Variants in SLC7A8 observed in about 807,000 individuals in gnomAD.
SLC7A8 encodes large neutral amino acids transporter small subunit 2.
A neutral mutation model predicts 51.2 loss-of-function variants in SLC7A8; 30 were observed. The ratio of observed to expected loss-of-function variants is 0.59; its 90% confidence interval spans 0.44 to 0.80. The LOEUF is 0.80. SLC7A8 is among the 30% of genes least tolerant of loss of function. The probability of loss-of-function intolerance (pLI) is 0.00; values close to 1 mark genes in which losing one functional copy is unlikely to be tolerated. For synonymous variants in SLC7A8, 257 were observed against 275.8 expected, an observed-to-expected ratio of 0.93 and a Z score of 0.67; for missense variants, 612 against 674.4, an observed-to-expected ratio of 0.91 and a Z score of 1.03.
chr14:23,161,945 G>A lies in SLC7A8; in HGVS notation c.508+3340C>T, dbSNP rs990250135. Among the ~76,000 whole-genome samples the A allele has an allele frequency of 1.8e-3, 149 of 82,154 alleles. 2 individuals carry two copies. The East Asian group carries it at 0.026, about 15-fold the overall frequency. The allele number at this position is 82,154 out of a possible 152,430, so 53.9% of individuals were successfully genotyped here. On this transcript the variant is annotated intron_variant, in intron 3 of 10. Transcript: ENST00000316902. ...CCATCTAAAAAAAAAAAAAAAAAAAGCATCTACCAAGCCTTCCTGACAGCT... is the reference window on the plus strand; with the variant it reads ...CCATCTAAAAAAAAAAAAAAAAAAAACATCTACCAAGCCTTCCTGACAGCT...
intron 1 of SLC7A8, among the ~76,000 whole-genome samples, chr14:23,174,204 G>T (rs1358830825): frequency 2.6e-5 from 4 of 152,194 alleles, no homozygotes. Context: ...GTCTTTATCA[G>T]CTGCTTACTA....
intron 7 of SLC7A8, among the ~76,000 whole-genome samples, chr14:23,136,454 C>T (rs537492984): frequency 6.6e-6 from 1 of 152,072 alleles, no homozygotes; most frequent in African/African-American, 2.4e-5. Flanking sequence ...CCCAGCTAGC[C>T]GATAACGGAG....
intron 1 of SLC7A8, among the ~76,000 whole-genome samples, chr14:23,167,165 A>G (rs1259395192): frequency 1.3e-5 from 2 of 152,340 alleles, no homozygotes; most frequent in East Asian, 3.9e-4. Context: ...CCCTTGGTGA[A>G]GAACATAAAA....
intron 7 of SLC7A8, among the ~76,000 whole-genome samples, chr14:23,135,872 T>C (rs1431651347): frequency 6.6e-6 from 1 of 152,186 alleles, no homozygotes; most frequent in Non-Finnish European, 1.5e-5. Context: ...ATTATATACA[T>C]ATGAATATGA....
At chr14:23,154,168 A>C in intron 3 of SLC7A8, 1 of 841,428 alleles carries the variant, frequency 1.2e-6, no homozygotes, top group Non-Finnish European at 1.5e-6. Context: ...CAAAACAGGC[A>C]CCTTTCTGGA....
chr14:23,127,370 A>C (rs370159189), intron 10 of SLC7A8, 27 bp from the exon 11 acceptor site: 515 of 1,608,480 alleles, frequency 3.2e-4, no homozygotes, highest in Non-Finnish European at 3.5e-4. Context: ...CACAGAAACC[A>C]GGCCAATGCT....
chr14:23,155,988 TTTTTC>T (rs1007243280), intron 3 of SLC7A8, among the ~76,000 whole-genome samples: 6 of 150,892 alleles, frequency 4.0e-5, no homozygotes, highest in Non-Finnish European at 7.4e-5. Context: ...GCTGAACTCT[TTTTTC>T]TTTTCTTTTC....
At position 23,183,137 on chromosome 14, in the gene SLC7A8, T is replaced by TAA. The variant is rs60162914; in HGVS notation, c.-225_-224dup. ...CGTTTACAAACAAGAAAAGTGTTGC[T>TAA]AAAAAAAAAAAAAAAAAAAAAGGCC... is the stretch of plus-strand genomic sequence containing the variant. On this transcript the variant is annotated 5_prime_UTR_variant, in exon 1 of 11. An upstream open reading frame in the 5' UTR loses its in-frame stop. Coordinates refer to ENST00000316902, the MANE Select transcript of SLC7A8 (RefSeq NM_012244.4). 0.65 allele frequency: 58,706 copies of TAA among 90,958 alleles called. 20,466 individuals carry two copies. Among genetic ancestry groups the TAA allele is most frequent in the Admixed American group, 0.74 (5,830 of 7,896 alleles). 5.6% of individuals were successfully genotyped at this position (90,958 alleles called of 1,614,324 possible).
intron 3 of SLC7A8, among the ~76,000 whole-genome samples, chr14:23,155,922 T>C (rs1370781875): frequency 6.6e-6 from 1 of 152,012 alleles, no homozygotes; most frequent in Non-Finnish European, 1.5e-5. Flanking sequence ...GCTGCAAAAT[T>C]CCCCCAAAAC....
rs536090848 is a variant in SLC7A8, at chr14:23,144,377, G to T, written c.509-1173C>A. 2.5e-3 allele frequency among the ~76,000 whole-genome samples: 306 copies of T among 124,160 alleles called. 3 individuals carry two copies. The highest frequency in any genetic ancestry group is 0.017 in the Middle Eastern group (3 of 176). The allele number at this position is 124,160 out of a possible 152,430, so 81.5% of individuals were successfully genotyped here. On this transcript the variant is annotated intron_variant, in intron 3 of 10. Transcript: ENST00000316902. Reference sequence around the variant, plus strand: ...TTTTTTTTTTTTGGCTAATAGGCATGTAGTTGTATTTCATTATGGTTTTGA... The same window carrying T: ...TTTTTTTTTTTTGGCTAATAGGCATTTAGTTGTATTTCATTATGGTTTTGA...
chr14:23,133,414 C>T (rs2048658500), intron 7 of SLC7A8, among the ~76,000 whole-genome samples: 1 of 144,290 alleles, frequency 6.9e-6, no homozygotes, highest in Non-Finnish European at 1.5e-5. Context: ...GCACTCCACC[C>T]TAGGCAACAG....
In SLC7A8 at chr14:23,182,989, G is replaced by C; in HGVS notation, c.-75C>G. On this transcript the variant is annotated 5_prime_UTR_variant, in exon 1 of 11. Coordinates refer to ENST00000316902, the MANE Select transcript of SLC7A8 (RefSeq NM_012244.4). ...GTATTCGTGTAAATATATTGGGAGA[G>C]AGCTTTGAATTAGAACGTCCTTTTC... 1 of 1,595,174 alleles carries C rather than the reference G, an allele frequency of 6.3e-7. No homozygotes were observed. The highest frequency in any genetic ancestry group is 8.6e-7 in the Non-Finnish European group (1 of 1,166,158).
chr14:23,143,255 T>C (rs1050346942), intron 3 of SLC7A8, 51 bp from the exon 4 acceptor site: 3 of 1,606,712 alleles, frequency 1.9e-6, no homozygotes, highest in Admixed American at 1.7e-5. Context: ...TCTGGCTGCA[T>C]GATGCCCAAG....
chr14:23,132,037 C>T (rs2048640791), intron 7 of SLC7A8, among the ~76,000 whole-genome samples: 1 of 125,940 alleles, frequency 7.9e-6, no homozygotes, highest in Non-Finnish European at 1.6e-5. Context: ...TGGAGTCTGA[C>T]TCTGTCGCCC....
At position 23,131,999 on chromosome 14, in the gene SLC7A8, ATTTTTTTTT is replaced by A. The variant is rs1201371313; in HGVS notation, c.1017-451_1017-443del. Among the ~76,000 whole-genome samples the A allele has an allele frequency of 9.8e-3, 963 of 98,176 alleles. 11 individuals carry two copies. Among genetic ancestry groups the A allele is most frequent in the African/African-American group, 0.035 (909 of 25,806 alleles). The allele number at this position is 98,176 out of a possible 152,430, so 64.4% of individuals were successfully genotyped here. A position where few individuals can be genotyped will look rare whatever the true frequency, so the allele number is the denominator to read the frequency against. On this transcript the variant is annotated intron_variant, in intron 7 of 10. Coordinates refer to ENST00000316902, the MANE Select transcript of SLC7A8 (RefSeq NM_012244.4). ...ATATGGAAAGCTTTAAAAACACTCTATTTTTTTTTTTTTTTTTTTTTTTGAGATGGAGTC... is the reference window on the plus strand; with the variant it reads ...ATATGGAAAGCTTTAAAAACACTCTATTTTTTTTTTTTTTGAGATGGAGTC...
chr14:23,173,658 T>C (rs2048985834), intron 1 of SLC7A8, among the ~76,000 whole-genome samples: 1 of 152,160 alleles, frequency 6.6e-6, no homozygotes, highest in Non-Finnish European at 1.5e-5. Context: ...ATTTTTACTT[T>C]TTTTTTTGAG....
rs1341265727 is a variant in SLC7A8, at chr14:23,165,052, T to G, written c.508+233A>C. On this transcript the variant is annotated intron_variant, in intron 3 of 10. Transcript: ENST00000316902. The surrounding 1 kb of genome is among the most constrained non-coding windows in gnomAD (Gnocchi z 4.2). Reference sequence around the variant, plus strand: ...GAGACATGTAGACCTCCAGGGAGGATAAAAGAGGCTGTCCCTCAGACTGGG... The same window carrying G: ...GAGACATGTAGACCTCCAGGGAGGAGAAAAGAGGCTGTCCCTCAGACTGGG... 6.7e-6 allele frequency among the ~76,000 whole-genome samples: 1 copy of G among 149,362 alleles called. No homozygotes were observed. The highest frequency in any genetic ancestry group is 2.0e-4 in the East Asian group (1 of 5,076).
intron 3 of SLC7A8, among the ~76,000 whole-genome samples, chr14:23,149,114 T>C (rs1048067750): frequency 3.9e-5 from 6 of 152,206 alleles, no homozygotes; most frequent in Non-Finnish European, 5.9e-5. Context: ...TGTGTTCACC[T>C]GGTTAGCAAA....
chr14:23,142,941 GGAA>G (rs767880545), intron 4 of SLC7A8, 135 bp downstream of exon 4: 100 of 1,151,270 alleles, frequency 8.7e-5, no homozygotes, highest in Non-Finnish European at 7.6e-5. Context: ...GTCAAGCAAG[GGAA>G]GAAGAAGAGA....
Sources: gnomAD v4.1 joint callset for allele counts (sites outside exome capture counted in the v4.1 genomes callset) on GRCh38, gnomAD v4.1.1 for gene constraint, Gnocchi (gnomAD v3.1) non-coding constraint, MANE v1.5 for transcripts, NCBI Gene and HGNC (gene_info 2026-07-23, HGNC 2026-07-21) for gene names.